The following KDM2A variants were observed in gnomAD, a reference collection of about 807,000 sequenced individuals.
The protein encoded by KDM2A is lysine-specific demethylase 2A.
KDM2A carries 3 observed loss-of-function variants against 137.3 expected under a neutral mutation model. That is an observed-to-expected ratio of 0.02 (90% confidence interval 0.01 to 0.06). The LOEUF (loss-of-function observed/expected upper bound fraction) is 0.06, where lower values mean the gene tolerates loss of function less well. Ranked by LOEUF, KDM2A falls within the 10% of genes least tolerant of loss-of-function variation. The pLI, the probability that KDM2A is intolerant of heterozygous loss-of-function variation, is 1.00. For synonymous variants in KDM2A, 512 were observed against 541.5 expected (o/e 0.95, Z 0.76); for missense variants, 738 against 1,510.6 (o/e 0.49, Z 8.48).
rs1859532578 is a variant in KDM2A, at chr11:67,254,303, C to T, written c.3192C>T (p.Pro1064=). The T allele has an allele frequency of 6.2e-7, 1 of 1,614,050 alleles. No homozygotes were observed. The highest frequency in any genetic ancestry group is 1.1e-5 in the South Asian group (1 of 91,090). The change falls in exon 20 of 21, where the codon CCC becomes CCT. Residue 1064 remains proline, a synonymous_variant. Transcript: ENST00000529006. This position sits in a 1 kb window ranked among gnomAD's most constrained non-coding sequence, Gnocchi z 4.7. ...ATLRLIIRHM[P]LLSRLDLSHC... ...TTCGCCTCATAATTCGCCACATGCCCCTCCTGTCTCGACTCGACCTCAGTC... is the reference window on the plus strand; with the variant it reads ...TTCGCCTCATAATTCGCCACATGCCTCTCCTGTCTCGACTCGACCTCAGTC...
intron 12 of KDM2A, among the ~76,000 whole-genome samples, chr11:67,240,674 C>A (rs568346622): frequency 6.6e-6 from 1 of 152,154 alleles, no homozygotes. Flanking sequence ...TGCCTGGAGC[C>A]GAGATAGGCG....
chr11:67,150,416 A>G (rs1187986157), intron 2 of KDM2A, among the ~76,000 whole-genome samples: 1 of 152,236 alleles, frequency 6.6e-6, no homozygotes, highest in African/African-American at 2.4e-5. Context: ...TGCTTTCTGC[A>G]TATCATTGAT....
chr11:67,123,255 G>T (rs1855639896), intron 2 of KDM2A, among the ~76,000 whole-genome samples: 1 of 146,062 alleles, frequency 6.8e-6, no homozygotes, highest in African/African-American at 2.6e-5. Flanking sequence ...GGATTAACAA[G>T]CGTGAGCCAC....
rs141493158 is a variant in KDM2A at position 67,204,881 on chromosome 11, A to G, written c.308-2629A>G. Among the ~76,000 whole-genome samples, 202 of 152,278 alleles carry G rather than the reference A, an allele frequency of 1.3e-3. 4 individuals carry two copies. The highest frequency in any genetic ancestry group is 4.5e-3 in the African/African-American group (189 of 41,564). The stretch of plus-strand genomic sequence containing the variant: ...GTCGACTATTTCCTTGTATGGATCA[A>G]CCACATTTTGTTTATTCATATCATG... On this transcript the variant is annotated intron_variant, in intron 5 of 20. Transcript: ENST00000529006.
At chr11:67,164,557 A>T (rs1300588441) in intron 2 of KDM2A, among the ~76,000 whole-genome samples, 1 of 150,978 alleles carries the variant, frequency 6.6e-6, no homozygotes, top group East Asian at 1.9e-4. Flanking sequence ...GTTTCAAGTG[A>T]TCCTCTACCA....
chr11:67,139,048 A>G (rs1326724702), intron 2 of KDM2A, among the ~76,000 whole-genome samples: 1 of 152,100 alleles, frequency 6.6e-6, no homozygotes, highest in Admixed American at 6.6e-5. Flanking sequence ...TCCTTGAATC[A>G]CAGGCAGTAG....
chr11:67,164,889 CGCCTG>C (rs1013508850), intron 2 of KDM2A, among the ~76,000 whole-genome samples: 6 of 151,716 alleles, frequency 4.0e-5, no homozygotes, highest in African/African-American at 1.5e-4. Flanking sequence ...GTGAGCACCG[CGCCTG>C]GCCTGCTATT....
chr11:67,124,700 G>A (rs1855677902), intron 2 of KDM2A, among the ~76,000 whole-genome samples: 1 of 148,966 alleles, frequency 6.7e-6, no homozygotes, highest in Non-Finnish European at 1.5e-5. Flanking sequence ...GTCTTGGCAA[G>A]ATTTTTTTTT....
chr11:67,176,384 T>A (rs1239846587), intron 2 of KDM2A, among the ~76,000 whole-genome samples: 1 of 152,234 alleles, frequency 6.6e-6, no homozygotes, highest in Non-Finnish European at 1.5e-5. Context: ...AATACTTAGT[T>A]TTAAATTCTA....
At chr11:67,156,615 A>G (rs1294664991) in intron 2 of KDM2A, among the ~76,000 whole-genome samples, 1 of 150,898 alleles carries the variant, frequency 6.6e-6, no homozygotes, top group East Asian at 2.0e-4. Context: ...GCTACTCAGG[A>G]GGCTGAGGCA....
At chr11:67,197,946 ATATTT>A (rs1167653729) in intron 5 of KDM2A, among the ~76,000 whole-genome samples, 1 of 151,710 alleles carries the variant, frequency 6.6e-6, no homozygotes, top group Non-Finnish European at 1.5e-5. Context: ...GTTGATTAAC[ATATTT>A]TATGTTATAC....
At chr11:67,210,197 G>A (rs1857936607) in intron 6 of KDM2A, among the ~76,000 whole-genome samples, 1 of 151,810 alleles carries the variant, frequency 6.6e-6, no homozygotes, top group African/African-American at 2.4e-5. Context: ...GTGAAACCCT[G>A]TCTCTATAGA....
At chr11:67,210,596 G>A (rs2136386660) in intron 6 of KDM2A, among the ~76,000 whole-genome samples, 1 of 152,188 alleles carries the variant, frequency 6.6e-6, no homozygotes, top group East Asian at 1.9e-4. Context: ...ACCTATGAGA[G>A]GGCTCAGAAA....
intron 10 of KDM2A, among the ~76,000 whole-genome samples, chr11:67,227,585 G>A (rs1175877355): frequency 1.3e-5 from 2 of 151,676 alleles, no homozygotes; most frequent in African/African-American, 4.8e-5. Context: ...TGTTGTTGTT[G>A]TTCAGACGGA....
intron 5 of KDM2A, among the ~76,000 whole-genome samples, chr11:67,194,381 GTCTT>G (rs1857431181): frequency 6.6e-6 from 1 of 152,164 alleles, no homozygotes; most frequent in Non-Finnish European, 1.5e-5. Flanking sequence ...TCAGATAAAA[GTCTT>G]TCTGAGGCGT....
At chr11:67,140,569 T>G (rs1254287055) in intron 2 of KDM2A, among the ~76,000 whole-genome samples, 1 of 151,928 alleles carries the variant, frequency 6.6e-6, no homozygotes, top group Non-Finnish European at 1.5e-5. Context: ...CTGGCCAACA[T>G]GGTGAAACCC....
At position 67,231,763 on chromosome 11, in the gene KDM2A, G is replaced by C; in HGVS notation, c.1282G>C (p.Asp428His). Residue 428 changes from aspartate to histidine, a missense_variant, in exon 12 of 21, where the codon GAC (aspartate) becomes CAC (histidine). Coordinates refer to ENST00000529006, the MANE Select transcript of KDM2A (RefSeq NM_012308.3). ...KKTLAGDSSSDCSRGSHNGQV... is the reference protein window; with the variant it reads ...KKTLAGDSSSHCSRGSHNGQV... Reference sequence around the variant, plus strand: ...AACTTTGGCTGGGGACTCATCTTCTGACTGTAGCCGGGGCTCCCACAATGG... The same window carrying C: ...AACTTTGGCTGGGGACTCATCTTCTCACTGTAGCCGGGGCTCCCACAATGG... 1 of 1,614,036 alleles carries C rather than the reference G, an allele frequency of 6.2e-7. No individual in the cohort carries two copies. Among genetic ancestry groups the C allele is most frequent in the East Asian group, 2.2e-5 (1 of 44,888 alleles).
chr11:67,215,499 T>A, intron 7 of KDM2A, 53 bp downstream of exon 7: 1 of 1,160,310 alleles, frequency 8.6e-7, no homozygotes, highest in Non-Finnish European at 1.3e-6. Context: ...ACCAAAGCAA[T>A]AGCAAGGATT....
chr11:67,182,923 T>C (rs865818606), intron 5 of KDM2A, among the ~76,000 whole-genome samples: 1 of 152,212 alleles, frequency 6.6e-6, no homozygotes, highest in Non-Finnish European at 1.5e-5. Flanking sequence ...TCTATTATCT[T>C]TTGTCCTCTG....
Sources: gnomAD v4.1 joint callset for allele counts (sites outside exome capture counted in the v4.1 genomes callset) on GRCh38, gnomAD v4.1.1 for gene constraint, Gnocchi (gnomAD v3.1) non-coding constraint, MANE v1.5 for transcripts, NCBI Gene and HGNC (gene_info 2026-07-23, HGNC 2026-07-21) for gene names.